NCAM1: variants seen among roughly 807,000 people sequenced by gnomAD.
NCAM1 encodes neural cell adhesion molecule 1.
NCAM1 carries 14 observed loss-of-function variants against 109.8 expected under a neutral mutation model. That is an observed-to-expected ratio of 0.13 (90% confidence interval 0.08 to 0.20). The LOEUF (loss-of-function observed/expected upper bound fraction) is 0.20. NCAM1 is among the 10% of genes least tolerant of loss of function. The pLI, the probability that NCAM1 is intolerant of heterozygous loss-of-function variation, is 1.00. For missense variants in NCAM1, 774 were observed against 1,109.9 expected (o/e 0.70, Z 4.30); for synonymous variants, 418 against 442.9 (o/e 0.94, Z 0.70).
chr11:113,024,661 G>A (rs1952485089), intron 1 of NCAM1, among the ~76,000 whole-genome samples: 1 of 152,034 alleles, frequency 6.6e-6, no homozygotes, highest in Non-Finnish European at 1.5e-5. Flanking sequence ...TAGCAGTAAA[G>A]TGGGGATTAT....
Position 113,233,530 on chromosome 11 carries a change from T to C in NCAM1, c.1693+213T>C, listed in dbSNP as rs147700907. ...CCTGGTTCTCATGACCCTTCCAGTA[T>C]GGATGAAGGCATCTGTACCACATTC... On this transcript the variant is annotated intron_variant, in intron 13 of 19. Transcript: ENST00000316851. This position sits in a 1 kb window ranked among gnomAD's most constrained non-coding sequence, Gnocchi z 4.5. 1.3e-5 allele frequency among the ~76,000 whole-genome samples: 2 copies of C among 152,324 alleles called. No homozygotes were observed. The highest frequency in any genetic ancestry group is 2.9e-5 in the Non-Finnish European group (2 of 68,034).
intron 1 of NCAM1, among the ~76,000 whole-genome samples, chr11:113,045,260 G>T (rs1411215353): frequency 3.3e-5 from 5 of 152,138 alleles, no homozygotes; most frequent in Non-Finnish European, 7.3e-5. Context: ...CAGCACTGGT[G>T]GACTCCCTCC....
At chr11:113,004,192 C>T (rs1002648774) in intron 1 of NCAM1, among the ~76,000 whole-genome samples, 1 of 152,158 alleles carries the variant, frequency 6.6e-6, no homozygotes, top group African/African-American at 2.4e-5. Context: ...CACATATATA[C>T]ACTTAAAAAT....
intron 1 of NCAM1, among the ~76,000 whole-genome samples, chr11:113,031,329 C>A (rs1359011450): frequency 6.6e-6 from 1 of 152,092 alleles, no homozygotes; most frequent in Non-Finnish European, 1.5e-5. Context: ...TTCACCACTA[C>A]CTTGGGAGGC....
intron 1 of NCAM1, among the ~76,000 whole-genome samples, chr11:112,966,081 A>G (rs1434873306): frequency 6.6e-6 from 1 of 152,200 alleles, no homozygotes; most frequent in Non-Finnish European, 1.5e-5. Context: ...AAATTCCATA[A>G]TTGATCATTT....
At chr11:113,029,501 A>T (rs1173883319) in intron 1 of NCAM1, among the ~76,000 whole-genome samples, 1 of 152,202 alleles carries the variant, frequency 6.6e-6, no homozygotes, top group Admixed American at 6.5e-5. Flanking sequence ...GTGCAATATG[A>T]AGGTGATTTT....
intron 1 of NCAM1, among the ~76,000 whole-genome samples, chr11:113,138,033 T>A (rs1941666512): frequency 6.6e-6 from 1 of 151,740 alleles, no homozygotes; most frequent in African/African-American, 2.4e-5. Flanking sequence ...AAAAAAAAAA[T>A]TCTCATCTAA....
At chr11:113,056,158 A>G (rs990645282) in intron 1 of NCAM1, among the ~76,000 whole-genome samples, 1 of 151,252 alleles carries the variant, frequency 6.6e-6, no homozygotes, top group Non-Finnish European at 1.5e-5. Flanking sequence ...CCAGGCACAG[A>G]AAGACAAATA....
intron 15 of NCAM1, among the ~76,000 whole-genome samples, chr11:113,252,033 A>G (rs1404135545): frequency 6.6e-6 from 1 of 152,230 alleles, no homozygotes; most frequent in Admixed American, 6.5e-5. Flanking sequence ...TGCTCTTTCC[A>G]TATTTTCATG....
chr11:113,249,988 C>G (rs570556947), intron 15 of NCAM1, among the ~76,000 whole-genome samples: 1 of 152,150 alleles, frequency 6.6e-6, no homozygotes, highest in African/African-American at 2.4e-5. Context: ...AGCTGGGAAC[C>G]GGCCGTGCCC....
In NCAM1 at chr11:113,235,018, C is replaced by T; in HGVS notation, c.1694-15C>T. 1 of 1,542,374 alleles carries T rather than the reference C, an allele frequency of 6.5e-7. No individual in the cohort carries two copies. The highest frequency in any genetic ancestry group is 1.4e-5 in the African/African-American group (1 of 73,000). ...AACAATAGACTCTTTTGTCATCCTT[C>T]CCATATTATAACAGCCAGCATGGAG... On this transcript the variant is annotated splice_polypyrimidine_tract_variant and intron_variant, in intron 13 of 19. Transcript: ENST00000316851.
intron 1 of NCAM1, among the ~76,000 whole-genome samples, chr11:113,104,207 T>TGGGG (rs1345382907): frequency 2.1e-4 from 4 of 19,264 alleles, no homozygotes; most frequent in Admixed American, 5.5e-4. Flanking sequence ...GGAGGTGGGG[T>TGGGG]GGGGGGGGGG....
intron 1 of NCAM1, among the ~76,000 whole-genome samples, chr11:112,991,903 T>G (rs1951466561): frequency 1.3e-5 from 2 of 152,228 alleles, no homozygotes; most frequent in Admixed American, 1.3e-4. Flanking sequence ...CCTGCCTCAT[T>G]TATAAAAGTT....
intron 1 of NCAM1, among the ~76,000 whole-genome samples, chr11:113,074,275 G>A (rs1555085742): frequency 6.6e-6 from 1 of 152,136 alleles, no homozygotes; most frequent in East Asian, 1.9e-4. Context: ...TATGATCCAG[G>A]ACAAGATATT....
chr11:113,234,721 C>T (rs369136237), intron 13 of NCAM1, among the ~76,000 whole-genome samples: 48 of 152,326 alleles, frequency 3.2e-4, no homozygotes, highest in African/African-American at 5.8e-4. Flanking sequence ...GGTTGCCTTT[C>T]GGCTATTGTG....
At chr11:113,206,232 C>A in intron 5 of NCAM1, 52 bp downstream of exon 5, 12 of 1,527,618 alleles carry the variant, frequency 7.9e-6, no homozygotes, top group Non-Finnish European at 1.1e-5. Flanking sequence ...CCTTGGTTCT[C>A]CAAAATCATT....
intron 1 of NCAM1, among the ~76,000 whole-genome samples, chr11:113,078,011 T>C (rs1469720971): frequency 2.0e-5 from 3 of 152,170 alleles, no homozygotes; most frequent in African/African-American, 7.2e-5. Flanking sequence ...TAGTTGCTTA[T>C]TTCAGAGTCT....
chr11:112,979,311 A>G (rs1159419308), intron 1 of NCAM1, among the ~76,000 whole-genome samples: 4 of 151,982 alleles, frequency 2.6e-5, no homozygotes, highest in Admixed American at 6.6e-5. Flanking sequence ...TTTTTCCAAA[A>G]TATTACTGAT....
At chr11:113,245,330 C>T (rs1458372532) in intron 14 of NCAM1, among the ~76,000 whole-genome samples, 4 of 152,238 alleles carry the variant, frequency 2.6e-5, no homozygotes, top group African/African-American at 9.6e-5. Context: ...CAGTCCCAGC[C>T]ATTCAGGAGG....
Sources: allele counts gnomAD v4.1 joint callset (sites outside exome capture counted in the v4.1 genomes callset), GRCh38; gene constraint gnomAD v4.1.1; non-coding constraint Gnocchi (gnomAD v3.1); transcripts MANE v1.5; gene names NCBI Gene and HGNC (gene_info 2026-07-23, HGNC 2026-07-21).